LRP1B: variants seen among roughly 807,000 people sequenced by gnomAD.
LRP1B encodes the protein low-density lipoprotein receptor-related protein 1B.
A neutral mutation model predicts 556.6 loss-of-function variants in LRP1B; 217 were observed. The ratio of observed to expected loss-of-function variants is 0.39; its 90% confidence interval spans 0.35 to 0.44. The LOEUF is 0.44. LRP1B is among the 20% of genes least tolerant of loss of function. LRP1B has a pLI of 1.00. For missense variants in LRP1B, 5,053 were observed against 5,620.8 expected, an observed-to-expected ratio of 0.90 and a Z score of 3.23; for synonymous variants, 2,047 against 1,865.8, an observed-to-expected ratio of 1.10 and a Z score of -2.50.
chr2:140,981,419 A>T (rs909239663), intron 18 of LRP1B, among the ~76,000 whole-genome samples: 4 of 152,094 alleles, frequency 2.6e-5, no homozygotes, highest in African/African-American at 9.7e-5. Flanking sequence ...ATTTTAAAAA[A>T]TCTATTGCCA....
At chr2:141,322,080 G>T (rs1687262877) in intron 3 of LRP1B, among the ~76,000 whole-genome samples, 1 of 152,046 alleles carries the variant, frequency 6.6e-6, no homozygotes, top group Non-Finnish European at 1.5e-5. Flanking sequence ...ATTGATGCTT[G>T]AAAATTGTTG....
At chr2:141,766,902 T>C (rs1694750904) in intron 2 of LRP1B, among the ~76,000 whole-genome samples, 1 of 152,114 alleles carries the variant, frequency 6.6e-6, no homozygotes, top group Non-Finnish European at 1.5e-5. Context: ...CCTATCCCAA[T>C]TGTTTGAACC....
intron 7 of LRP1B, among the ~76,000 whole-genome samples, chr2:141,159,681 T>C (rs1679916368): frequency 6.6e-6 from 1 of 152,116 alleles, no homozygotes; most frequent in Non-Finnish European, 1.5e-5. Flanking sequence ...AAGTACAAGT[T>C]CTTCATAAAA....
At position 141,523,933 on chromosome 2, in the gene LRP1B, G is replaced by A. The variant is rs1336165911; in HGVS notation, c.206-43400C>T. On this transcript the variant is annotated intron_variant, in intron 2 of 90. Coordinates refer to ENST00000389484, the MANE Select transcript of LRP1B (RefSeq NM_018557.3). The stretch of plus-strand genomic sequence containing the variant: ...AGGCTCTAAAACTAAACCAATGATT[G>A]TCACTTGTAATTGTCTTCAGCTAAA... Among the ~76,000 whole-genome samples, 13 of 152,230 alleles carry A rather than the reference G, an allele frequency of 8.5e-5. No individual in the cohort carries two copies. The South Asian group carries it at 1.0e-3, about 12-fold the overall frequency.
intron 2 of LRP1B, among the ~76,000 whole-genome samples, chr2:141,769,080 A>C (rs900279818): frequency 1.3e-5 from 2 of 152,302 alleles, no homozygotes; most frequent in Admixed American, 1.3e-4. Context: ...TCAAAGTCAC[A>C]TGACTCTTAT....
chr2:140,696,157 A>G (rs897509608), intron 41 of LRP1B, among the ~76,000 whole-genome samples: 2 of 152,184 alleles, frequency 1.3e-5, no homozygotes, highest in Non-Finnish European at 2.9e-5. Context: ...ATTTAATAAA[A>G]TGGAATACCT....
intron 31 of LRP1B, among the ~76,000 whole-genome samples, chr2:140,822,412 T>C (rs1464038704): frequency 6.6e-6 from 1 of 152,230 alleles, no homozygotes; most frequent in Non-Finnish European, 1.5e-5. Context: ...CATTTTCATA[T>C]GATTATGATA....
At chr2:141,967,064 C>A (rs536284611) in intron 1 of LRP1B, among the ~76,000 whole-genome samples, 1 of 152,020 alleles carries the variant, frequency 6.6e-6, no homozygotes, top group South Asian at 2.1e-4. Context: ...CCATCTCCAA[C>A]TTCTTCTTAT....
intron 43 of LRP1B, among the ~76,000 whole-genome samples, chr2:140,594,956 T>G (rs1010015662): frequency 6.6e-6 from 1 of 151,606 alleles, no homozygotes; most frequent in African/African-American, 2.4e-5. Flanking sequence ...TTCCTAAATA[T>G]CATTCTTTCT....
chr2:140,859,172 T>G (rs1282995470), intron 27 of LRP1B, among the ~76,000 whole-genome samples: 5 of 152,094 alleles, frequency 3.3e-5, no homozygotes, highest in Non-Finnish European at 7.4e-5. Context: ...AACCTGCAAG[T>G]ATTTGAGATT....
intron 43 of LRP1B, among the ~76,000 whole-genome samples, chr2:140,583,604 A>C (rs1371472842): frequency 6.6e-6 from 1 of 152,038 alleles, no homozygotes; most frequent in Non-Finnish European, 1.5e-5. Context: ...AATTAAGGTC[A>C]TGTATCTTAC....
At chr2:141,212,184 A>G (rs1294823673) in intron 6 of LRP1B, among the ~76,000 whole-genome samples, 1 of 144,134 alleles carries the variant, frequency 6.9e-6, no homozygotes, top group Non-Finnish European at 1.5e-5. Context: ...AAAATCAGTT[A>G]CTGCAGCAAA....
chr2:140,972,386 C>A (rs1174072231), intron 18 of LRP1B, among the ~76,000 whole-genome samples: 1 of 151,958 alleles, frequency 6.6e-6, no homozygotes, highest in African/African-American at 2.4e-5. Context: ...AAATAATTAT[C>A]AACAGAAGGG....
intron 1 of LRP1B, among the ~76,000 whole-genome samples, chr2:142,036,447 T>G (rs1703881591): frequency 6.6e-6 from 1 of 151,710 alleles, no homozygotes; most frequent in Non-Finnish European, 1.5e-5. Flanking sequence ...GATTTATTGA[T>G]CTCTCCATTC....
In LRP1B at chr2:140,573,983, G is replaced by GA. The variant is rs1192326177; in HGVS notation, c.7194+24647dup. 5.3e-5 allele frequency among the ~76,000 whole-genome samples: 8 copies of GA among 151,714 alleles called. No individual in the cohort carries two copies. In the East Asian group the frequency reaches 7.7e-4, roughly 15 times the overall value. On this transcript the variant is annotated intron_variant, in intron 43 of 90. Coordinates refer to ENST00000389484, the MANE Select transcript of LRP1B (RefSeq NM_018557.3). ...CCTATAAATAAGATCTTTTACAATA[G>GA]AAAAAAAGAAAGATTTGAGGATAAC...
At chr2:140,677,367 A>T (rs1685706738) in intron 41 of LRP1B, among the ~76,000 whole-genome samples, 2 of 152,206 alleles carry the variant, frequency 1.3e-5, no homozygotes, top group Admixed American at 1.3e-4. Flanking sequence ...GGGATCCACG[A>T]AAGAGAGCAA....
chr2:140,255,453 A>G (rs1014006028), intron 86 of LRP1B, among the ~76,000 whole-genome samples: 1 of 152,192 alleles, frequency 6.6e-6, no homozygotes, highest in African/African-American at 2.4e-5. Context: ...CAACACAAAT[A>G]TACTATATTT....
intron 3 of LRP1B, among the ~76,000 whole-genome samples, chr2:141,282,558 G>C (rs1432445938): frequency 1.3e-5 from 2 of 150,370 alleles, no homozygotes; most frequent in Admixed American, 6.7e-5. Context: ...TACATATACA[G>C]GTATATAATA....
chr2:142,032,799 G>A (rs1045765597), intron 1 of LRP1B, among the ~76,000 whole-genome samples: 1 of 151,726 alleles, frequency 6.6e-6, no homozygotes, highest in Non-Finnish European at 1.5e-5. Flanking sequence ...TAAGACACAG[G>A]CTTCAGAGAC....
Sources: gnomAD v4.1 joint callset for allele counts (sites outside exome capture counted in the v4.1 genomes callset) on GRCh38, gnomAD v4.1.1 for gene constraint, MANE v1.5 for transcripts, NCBI Gene and HGNC (gene_info 2026-07-23, HGNC 2026-07-21) for gene names.